The following IL12RB2 variants were observed in gnomAD, a reference collection of about 807,000 sequenced individuals.
IL12RB2 encodes the protein interleukin-12 receptor subunit beta-2.
A neutral mutation model predicts 89.4 loss-of-function variants in IL12RB2; 82 were observed. That is an observed-to-expected ratio of 0.92 (90% CI 0.77 to 1.10). The LOEUF (loss-of-function observed/expected upper bound fraction) is 1.10. IL12RB2 is among the 50% of genes least tolerant of loss of function. The probability of loss-of-function intolerance (pLI) is 0.00; values close to 1 mark genes in which losing one functional copy is unlikely to be tolerated. For missense variants in IL12RB2, 963 were observed against 1,031.9 expected, an observed-to-expected ratio of 0.93 and a Z score of 0.92; for synonymous variants, 368 against 370.1, an observed-to-expected ratio of 0.99 and a Z score of 0.07.
upstream of IL12RB2, chr1:67,307,823 G>A (rs1654461829): frequency 6.6e-6 from 1 of 152,218 alleles, no homozygotes; most frequent in Non-Finnish European, 1.5e-5. Flanking sequence ...AGAGGCGGGA[G>A]GCGGAGGCGG....
chr1:67,346,214 G>A (rs1015028771), intron 9 of IL12RB2, among the ~76,000 whole-genome samples: 1 of 152,132 alleles, frequency 6.6e-6, no homozygotes, highest in Non-Finnish European at 1.5e-5. Flanking sequence ...TGAGTAAAGT[G>A]CAGATCACAT....
At position 67,326,784 on chromosome 1, in the gene IL12RB2, G is replaced by C. The variant is rs774040234; in HGVS notation, c.414G>C (p.Gln138His). 1.2e-6 allele frequency: 2 copies of C among 1,613,798 alleles called. No homozygotes were observed. The highest frequency in any genetic ancestry group is 2.7e-5 in the African/African-American group (2 of 74,908). Residue 138 changes from glutamine to histidine, a missense_variant, in exon 5 of 17, where the codon CAG (glutamine) becomes CAC (histidine). Coordinates refer to ENST00000674203, the MANE Select transcript of IL12RB2 (RefSeq NM_001374259.2). ...QNLSCIQKGE[Q>H]GTVACTWERG... ...TATCCTGCATACAGAAGGGAGAACA[G>C]GGGACTGTGGCCTGCACCTGGGAAA...
At chr1:67,328,114 A>G in intron 5 of IL12RB2, 86 bp from the exon 6 acceptor site, 1 of 965,430 alleles carries the variant, frequency 1.0e-6, no homozygotes, top group Non-Finnish European at 1.7e-6. Flanking sequence ...AGAATTCTAA[A>G]TATTTAAACA....
chr1:67,362,304 C>T (rs556964500), intron 10 of IL12RB2, among the ~76,000 whole-genome samples: 22 of 151,360 alleles, frequency 1.5e-4, no homozygotes, highest in Non-Finnish European at 2.7e-4. Context: ...CGGTGGCTCA[C>T]GCCTGTAATC....
intron 9 of IL12RB2, among the ~76,000 whole-genome samples, chr1:67,347,017 T>C (rs1170607249): frequency 6.6e-6 from 1 of 152,154 alleles, no homozygotes; most frequent in Admixed American, 6.5e-5. Context: ...CTCCCTTAAC[T>C]CATTGAATGC....
intron 13 of IL12RB2, among the ~76,000 whole-genome samples, chr1:67,375,130 C>A (rs954226019): frequency 2.0e-5 from 3 of 151,998 alleles, no homozygotes; most frequent in Non-Finnish European, 2.9e-5. Flanking sequence ...CATGGTGGCT[C>A]ATGCCTGTAA....
rs549949206 is a variant in IL12RB2 at position 67,385,854 on chromosome 1, C to T, written c.1856-725C>T. On this transcript the variant is annotated intron_variant, in intron 14 of 16. Coordinates refer to ENST00000674203, the MANE Select transcript of IL12RB2 (RefSeq NM_001374259.2). ...ACACTGCCATGTGCTTTAAATATAC[C>T]ATCTCTGATCTTCATGACAACCAGC... 3.3e-5 allele frequency among the ~76,000 whole-genome samples: 5 copies of T among 152,240 alleles called. No homozygotes were observed. The East Asian group carries it at 9.6e-4, about 29-fold the overall frequency.
chr1:67,386,931 CA>C (rs1557476601), intron 15 of IL12RB2, among the ~76,000 whole-genome samples: 1 of 100,876 alleles, frequency 9.9e-6, no homozygotes, highest in Non-Finnish European at 2.1e-5. Context: ...TTTTTTCCCC[CA>C]AAAAAATTTT....
At chr1:67,323,567 T>C (rs1656874086) in intron 4 of IL12RB2, among the ~76,000 whole-genome samples, 1 of 152,140 alleles carries the variant, frequency 6.6e-6, no homozygotes, top group South Asian at 2.1e-4. Flanking sequence ...AACAGCAACC[T>C]GGAATGTGGG....
intron 10 of IL12RB2, among the ~76,000 whole-genome samples, chr1:67,358,510 A>G (rs1233751663): frequency 1.3e-5 from 2 of 152,172 alleles, no homozygotes; most frequent in African/African-American, 4.8e-5. Context: ...CAGGAGACAC[A>G]TGTTGCAGTG....
At position 67,367,462 on chromosome 1, in the gene IL12RB2, G is replaced by GGGAAGGAAGGAAGGAAGGAAGGAA. The variant is rs55681603; in HGVS notation, c.1259-361_1259-338dup. Reference sequence around the variant, plus strand: ...AAGAAGGAAGGAAGGAAAGGAACGAGGGAAGGAAGGAAGGAAGGAAGGAAG... The same window carrying GGGAAGGAAGGAAGGAAGGAAGGAA: ...AAGAAGGAAGGAAGGAAAGGAACGAGGGAAGGAAGGAAGGAAGGAAGGAAGGAAGGAAGGAAGGAAGGAAGGAAG... On this transcript the variant is annotated intron_variant, in intron 10 of 16. Transcript: ENST00000674203. 4.0e-3 allele frequency among the ~76,000 whole-genome samples: 512 copies of GGGAAGGAAGGAAGGAAGGAAGGAA among 127,394 alleles called. 4 individuals carry two copies. The highest frequency in any genetic ancestry group is 8.7e-3 in the South Asian group (29 of 3,324). 83.6% of individuals were successfully genotyped at this position (127,394 alleles called of 152,430 possible).
At chr1:67,353,745 G>A (rs536412319) in intron 10 of IL12RB2, among the ~76,000 whole-genome samples, 1 of 152,242 alleles carries the variant, frequency 6.6e-6, no homozygotes, top group African/African-American at 2.4e-5. Context: ...TTGTTCTTCA[G>A]TGGCTAAGTA....
rs781449189 is a variant in IL12RB2, at chr1:67,386,556, C to T, written c.1856-23C>T. ...GTTCATTGGTGATAACTCACTCAGT[C>T]ACAGGATTTCCTAACTTTTCAGGTA... On this transcript the variant is annotated intron_variant, in intron 14 of 16. Transcript: ENST00000674203. 1.0e-5 allele frequency: 16 copies of T among 1,536,446 alleles called. No individual in the cohort carries two copies. The Admixed American group carries it at 2.7e-4, about 26-fold the overall frequency.
intron 1 of IL12RB2, among the ~76,000 whole-genome samples, chr1:67,313,068 C>T (rs1655296704): frequency 6.6e-6 from 1 of 152,208 alleles, no homozygotes; most frequent in African/African-American, 2.4e-5. Context: ...CATGTAATGG[C>T]TTGTTACATT....
At chr1:67,395,110 A>C (rs189405579) in intron 16 of IL12RB2, among the ~76,000 whole-genome samples, 154 of 152,210 alleles carry the variant, frequency 1.0e-3, no homozygotes, top group African/African-American at 3.4e-3. Context: ...TCTACTAAAA[A>C]TATAAAAATT....
intron 10 of IL12RB2, among the ~76,000 whole-genome samples, chr1:67,351,335 G>C (rs1463712783): frequency 2.0e-5 from 3 of 152,034 alleles, no homozygotes. Flanking sequence ...CTGTCTCATA[G>C]GTCATTTTGA....
intron 4 of IL12RB2, among the ~76,000 whole-genome samples, chr1:67,322,212 G>A (rs780299834): frequency 1.3e-5 from 2 of 152,044 alleles, no homozygotes; most frequent in African/African-American, 2.4e-5. Context: ...TAAAGCTACA[G>A]CCTCCTAAAA....
chr1:67,353,183 T>A lies in IL12RB2; in HGVS notation c.1258+2094T>A, dbSNP rs2100860058. Reference sequence around the variant, plus strand: ...TAATCCTACACCAACATTAAAGGGATGTTGTAGCTATGTTTTTCATTGACA... The same window carrying A: ...TAATCCTACACCAACATTAAAGGGAAGTTGTAGCTATGTTTTTCATTGACA... On this transcript the variant is annotated intron_variant, in intron 10 of 16. Coordinates refer to ENST00000674203, the MANE Select transcript of IL12RB2 (RefSeq NM_001374259.2). Among the ~76,000 whole-genome samples the A allele has an allele frequency of 3.3e-5, 5 of 152,360 alleles. No homozygotes were observed. In the Middle Eastern group the frequency reaches 0.014, roughly 415 times the overall value.
chr1:67,347,376 G>T (rs960282896), intron 9 of IL12RB2, among the ~76,000 whole-genome samples: 9 of 152,122 alleles, frequency 5.9e-5, no homozygotes, highest in Admixed American at 2.0e-4. Flanking sequence ...AGTTCAGTAA[G>T]TTTTTTAAAT....
Sources: allele counts gnomAD v4.1 joint callset (sites outside exome capture counted in the v4.1 genomes callset), GRCh38; gene constraint gnomAD v4.1.1; transcripts MANE v1.5; gene names NCBI Gene and HGNC (gene_info 2026-07-23, HGNC 2026-07-21).